PLCB4: variants seen among roughly 807,000 people sequenced by gnomAD.
The protein encoded by PLCB4 is 1-phosphatidylinositol 4,5-bisphosphate phosphodiesterase beta-4.
Under a neutral mutation model 178.8 loss-of-function variants are expected in PLCB4, and 77 were observed. That is an observed-to-expected ratio of 0.43 (90% CI 0.36 to 0.52). PLCB4 has a LOEUF of 0.52. Among genes scored for constraint, PLCB4 ranks in the 20% least tolerant of loss-of-function variants. PLCB4 has a pLI of 0.00. For synonymous variants in PLCB4, 496 were observed against 490.8 expected (o/e 1.01, Z -0.14); for missense variants, 1,024 against 1,453.4 (o/e 0.70, Z 4.80).
At chr20:9,387,188 G>A (rs546744083) in intron 14 of PLCB4, among the ~76,000 whole-genome samples, 5 of 152,026 alleles carry the variant, frequency 3.3e-5, no homozygotes, top group South Asian at 2.1e-4. Flanking sequence ...CCTTTATTGC[G>A]TTTTGTCACA....
chr20:9,189,769 T>C (rs1251844588), intron 2 of PLCB4, among the ~76,000 whole-genome samples: 2 of 152,194 alleles, frequency 1.3e-5, no homozygotes, highest in African/African-American at 2.4e-5. Context: ...CATCTTCATA[T>C]GGCAGAAGGT....
At chr20:9,310,573 G>A (rs1333924561) in intron 4 of PLCB4, among the ~76,000 whole-genome samples, 1 of 152,014 alleles carries the variant, frequency 6.6e-6, no homozygotes, top group East Asian at 1.9e-4. Context: ...ATAGCCAGGT[G>A]TGGTGGCACA....
At chr20:9,359,289 G>A (rs1164631903) in intron 7 of PLCB4, among the ~76,000 whole-genome samples, 2 of 152,140 alleles carry the variant, frequency 1.3e-5, no homozygotes, top group East Asian at 3.9e-4. Context: ...AGGGCCTGGG[G>A]TGGTGAAAAT....
chr20:9,384,503 A>T, intron 14 of PLCB4, 92 bp downstream of exon 14: 1 of 885,182 alleles, frequency 1.1e-6, no homozygotes, highest in Non-Finnish European at 1.9e-6. Flanking sequence ...AGTAATCAGG[A>T]TGAAAAGGAA....
chr20:9,263,331 A>T (rs976149706), intron 3 of PLCB4, among the ~76,000 whole-genome samples: 1 of 152,146 alleles, frequency 6.6e-6, no homozygotes, highest in African/African-American at 2.4e-5. Flanking sequence ...CTACCCTATG[A>T]TATCTTAGCA....
Position 9,453,361 on chromosome 20 carries a change from G to A in PLCB4, c.2895G>A (p.Met965Ile), listed in dbSNP as rs767634884. ...TTCTTGTTCAGGAACACAGTACCATGCAGAAGTTACACTGCACGCAAGTTG... is the reference window on the plus strand; with the variant it reads ...TTCTTGTTCAGGAACACAGTACCATACAGAAGTTACACTGCACGCAAGTTG... ...KKKHAKEHST[M>I]QKLHCTQVDK... Residue 965 changes from methionine (M) to isoleucine (I), a missense_variant, in exon 33 of 40, where the codon ATG becomes ATA. Physicochemically the swap from Met to Ile is conservative, Grantham distance 10 (BLOSUM62 1). Coordinates refer to ENST00000378473, the MANE Select transcript of PLCB4 (RefSeq NM_001377142.1). 5.6e-6 allele frequency: 9 copies of A among 1,606,924 alleles called. No individual in the cohort carries two copies. Among genetic ancestry groups the A allele is most frequent in the Non-Finnish European group, 6.0e-6 (7 of 1,173,866 alleles).
At chr20:9,288,195 A>C (rs1471681551) in intron 3 of PLCB4, among the ~76,000 whole-genome samples, 1 of 152,072 alleles carries the variant, frequency 6.6e-6, no homozygotes. Context: ...TGGTTCTTAA[A>C]ATTGTGGCAC....
chr20:9,103,364 C>T (rs565042805), intron 2 of PLCB4, among the ~76,000 whole-genome samples: 6 of 152,030 alleles, frequency 3.9e-5, no homozygotes, highest in African/African-American at 7.2e-5. Flanking sequence ...TACATGTTAA[C>T]GTAAGTAAGA....
chr20:9,218,671 T>C (rs951336532), intron 3 of PLCB4, among the ~76,000 whole-genome samples: 1 of 152,132 alleles, frequency 6.6e-6, no homozygotes, highest in Non-Finnish European at 1.5e-5. Context: ...GGCCTTTCCA[T>C]GAGGGGAAGG....
chr20:9,097,154 C>G (rs950147012), intron 2 of PLCB4, among the ~76,000 whole-genome samples: 1 of 150,854 alleles, frequency 6.6e-6, no homozygotes, highest in Non-Finnish European at 1.5e-5. Context: ...AGGCTGATCT[C>G]GAACTCCTCA....
chr20:9,074,187 C>T (rs2146474453), intron 1 of PLCB4, among the ~76,000 whole-genome samples: 1 of 152,234 alleles, frequency 6.6e-6, no homozygotes, highest in African/African-American at 2.4e-5. Flanking sequence ...GCCTCAGTTG[C>T]CCTATCTGTA....
At chr20:9,395,761 C>T (rs1438545284) in intron 19 of PLCB4, 143 bp downstream of exon 19, 11 of 562,152 alleles carry the variant, frequency 2.0e-5, no homozygotes, top group Non-Finnish European at 3.5e-5. Context: ...CCCAGGAGTT[C>T]AAGACCAGCC....
chr20:9,355,112 T>C (rs936267766), intron 7 of PLCB4, among the ~76,000 whole-genome samples: 5 of 152,172 alleles, frequency 3.3e-5, no homozygotes, highest in African/African-American at 1.2e-4. Context: ...ACTACCAGTC[T>C]AGTCTCTCTA....
At chr20:9,274,920 T>C (rs1412543590) in intron 3 of PLCB4, among the ~76,000 whole-genome samples, 1 of 152,096 alleles carries the variant, frequency 6.6e-6, no homozygotes, top group Admixed American at 6.6e-5. Flanking sequence ...GTAATTGTCA[T>C]TCAAGTGTAA....
At chr20:9,346,194 A>G (rs1452799560) in intron 7 of PLCB4, among the ~76,000 whole-genome samples, 5 of 152,230 alleles carry the variant, frequency 3.3e-5, no homozygotes, top group Admixed American at 6.5e-5. Flanking sequence ...CTGAGAACTT[A>G]TTAGAGATGC....
intron 2 of PLCB4, among the ~76,000 whole-genome samples, chr20:9,159,601 A>G (rs2092850052): frequency 6.6e-6 from 1 of 152,188 alleles, no homozygotes. Flanking sequence ...ATCTGATCAT[A>G]TAATTTCCCT....
At chr20:9,210,450 A>G (rs2093661294) in intron 2 of PLCB4, among the ~76,000 whole-genome samples, 1 of 152,008 alleles carries the variant, frequency 6.6e-6, no homozygotes, top group Non-Finnish European at 1.5e-5. Context: ...TTTAGGGATC[A>G]CTCACTTGGG....
chr20:9,444,056 G>A, intron 31 of PLCB4, 26 bp downstream of exon 31: 1 of 1,558,192 alleles, frequency 6.4e-7, no homozygotes, highest in Non-Finnish European at 8.8e-7. Context: ...TATTTTGCAA[G>A]CACTCTTGTA....
chr20:9,176,013 C>T (rs2093148627), intron 2 of PLCB4, among the ~76,000 whole-genome samples: 1 of 152,094 alleles, frequency 6.6e-6, no homozygotes. Flanking sequence ...TCTTGAAGTC[C>T]ATTTTTCCCA....
Sources: gnomAD v4.1 joint callset for allele counts (sites outside exome capture counted in the v4.1 genomes callset) on GRCh38, gnomAD v4.1.1 for gene constraint, MANE v1.5 for transcripts, NCBI Gene and HGNC (gene_info 2026-07-23, HGNC 2026-07-21) for gene names.